HELZ: variants seen among roughly 807,000 people sequenced by gnomAD.
The protein encoded by HELZ is ATP-dependent RNA helicase with zinc finger domain.
A neutral mutation model predicts 218.2 loss-of-function variants in HELZ; 23 were observed. The ratio of observed to expected loss-of-function variants is 0.11; its 90% CI spans 0.08 to 0.15. The LOEUF (loss-of-function observed/expected upper bound fraction) is 0.15, where lower values mean the gene tolerates loss of function less well. HELZ is among the 10% of genes least tolerant of loss of function. The pLI is 1.00. For missense variants in HELZ, 1,813 were observed against 2,353.7 expected (o/e 0.77, Z 4.75); for synonymous variants, 814 against 829.4 (o/e 0.98, Z 0.32).
At chr17:67,123,316 C>T (rs921120943) in intron 25 of HELZ, among the ~76,000 whole-genome samples, 156 bp from the exon 26 acceptor site, 7 of 144,082 alleles carry the variant, frequency 4.9e-5, no homozygotes, top group Non-Finnish European at 3.1e-5. Context: ...AAGCATATTA[C>T]AAAAAAAAAA....
chr17:67,108,299 TGTA>T lies in HELZ; in HGVS notation c.4724+190_4724+192del. The T allele has an allele frequency of 1.8e-6, 1 of 554,790 alleles. No individual in the cohort carries two copies. 34.4% of individuals were successfully genotyped at this position (554,790 alleles called of 1,614,324 possible). ...ATAGTAGATCATCCATGCCTAAATT[TGTA>T]GAAGAGTTACTTCTAAATGAGTTTT... is the stretch of plus-strand genomic sequence containing the variant. On this transcript the variant is annotated intron_variant, in intron 30 of 32. Coordinates refer to ENST00000358691, the MANE Select transcript of HELZ (RefSeq NM_014877.4). The surrounding 1 kb of genome is among the most constrained non-coding windows in gnomAD (Gnocchi z 4.1).
chr17:67,241,682 T>C (rs946639049), intron 2 of HELZ, among the ~76,000 whole-genome samples: 9 of 152,204 alleles, frequency 5.9e-5, no homozygotes, highest in African/African-American at 2.2e-4. Context: ...AAACTTCTTG[T>C]TAACAAATGC....
At chr17:67,203,582 G>A in intron 5 of HELZ, 139 bp from the exon 6 acceptor site, 2 of 960,626 alleles carry the variant, frequency 2.1e-6, no homozygotes, top group Non-Finnish European at 3.0e-6. Flanking sequence ...GGGAAGCAGT[G>A]GTGTTTCTGT....
Position 67,077,307 on chromosome 17 carries a change from C to T in HELZ, c.*945G>A, listed in dbSNP as rs887382736. 2.6e-5 allele frequency: 4 copies of T among 152,170 alleles called. No individual in the cohort carries two copies. Among genetic ancestry groups the T allele is most frequent in the African/African-American group, 9.7e-5 (4 of 41,284 alleles). 9.4% of individuals were successfully genotyped at this position (152,170 alleles called of 1,614,324 possible). On this transcript the variant is annotated 3_prime_UTR_variant, in exon 33 of 33. Transcript: ENST00000358691. ...AAAATTTTTACTGGAGAGAAAAAAACCCAAACCTTAAAGCGGCACAATTCT... is the reference window on the plus strand; with the variant it reads ...AAAATTTTTACTGGAGAGAAAAAAATCCAAACCTTAAAGCGGCACAATTCT...
chr17:67,117,492 TTA>T (rs1445858084), intron 27 of HELZ, among the ~76,000 whole-genome samples: 3 of 152,080 alleles, frequency 2.0e-5, no homozygotes, highest in Non-Finnish European at 4.4e-5. Context: ...AATTAAATAC[TTA>T]TATTCATTTA....
chr17:67,130,303 A>T (rs1433588222), intron 23 of HELZ, among the ~76,000 whole-genome samples: 1 of 152,194 alleles, frequency 6.6e-6, no homozygotes, highest in Non-Finnish European at 1.5e-5. Context: ...ATGTAAACAA[A>T]AACCACTTGT....
At chr17:67,103,850 C>A (rs1327543447) in intron 31 of HELZ, among the ~76,000 whole-genome samples, 2 of 152,148 alleles carry the variant, frequency 1.3e-5, no homozygotes, top group Non-Finnish European at 2.9e-5. Flanking sequence ...AAACTTACTA[C>A]AATACTACAG....
chr17:67,127,348 T>C (rs2037832240), intron 24 of HELZ, among the ~76,000 whole-genome samples: 1 of 152,152 alleles, frequency 6.6e-6, no homozygotes, highest in African/African-American at 2.4e-5. Flanking sequence ...AGTATAAGCT[T>C]GAGAAATCTA....
intron 13 of HELZ, among the ~76,000 whole-genome samples, chr17:67,170,767 C>G (rs1400786071): frequency 1.4e-5 from 2 of 148,090 alleles, no homozygotes; most frequent in African/African-American, 5.0e-5. Flanking sequence ...GTAGAGGCTG[C>G]AATGACCTGA....
chr17:67,168,799 A>C (rs2039225457), intron 13 of HELZ, among the ~76,000 whole-genome samples: 1 of 152,176 alleles, frequency 6.6e-6, no homozygotes, highest in Non-Finnish European at 1.5e-5. Flanking sequence ...TTACACAGTC[A>C]AGAAATATGG....
intron 23 of HELZ, among the ~76,000 whole-genome samples, chr17:67,129,798 T>C (rs1358185027): frequency 6.6e-6 from 1 of 152,124 alleles, no homozygotes; most frequent in East Asian, 1.9e-4. Context: ...TTAAAATTAT[T>C]AAATACATAT....
intron 3 of HELZ, among the ~76,000 whole-genome samples, chr17:67,222,735 T>C (rs1401628533): frequency 6.6e-6 from 1 of 152,154 alleles, no homozygotes; most frequent in East Asian, 1.9e-4. Flanking sequence ...AAAGCAAAAC[T>C]GTCTGTCAAA....
intron 3 of HELZ, among the ~76,000 whole-genome samples, chr17:67,224,089 T>G (rs1042761142): frequency 1.9e-4 from 29 of 152,212 alleles, no homozygotes; most frequent in African/African-American, 7.0e-4. Flanking sequence ...CCACCAGGGA[T>G]GTGGGGTGGC....
At chr17:67,227,318 C>A (rs2040920795) in intron 3 of HELZ, among the ~76,000 whole-genome samples, 1 of 151,866 alleles carries the variant, frequency 6.6e-6, no homozygotes, top group Non-Finnish European at 1.5e-5. Flanking sequence ...TCAGCCTCCC[C>A]AGTAGCTGGG....
chr17:67,197,298 T>G (rs879531681), intron 7 of HELZ, among the ~76,000 whole-genome samples: 4 of 152,102 alleles, frequency 2.6e-5, no homozygotes, highest in Non-Finnish European at 5.9e-5. Context: ...TTCTGCTGAT[T>G]GTGAGCCCTC....
intron 24 of HELZ, 149 bp from the exon 25 acceptor site, chr17:67,124,163 C>T (rs2037709281): frequency 3.9e-6 from 2 of 513,146 alleles, no homozygotes; most frequent in South Asian, 3.5e-5. Flanking sequence ...CATTAGACTG[C>T]TTTGAGCCAA....
intron 13 of HELZ, among the ~76,000 whole-genome samples, chr17:67,177,579 T>C (rs531199673): frequency 6.6e-6 from 1 of 151,712 alleles, no homozygotes; most frequent in East Asian, 1.9e-4. Flanking sequence ...GAATCCATGA[T>C]AATATAAATA....
intron 25 of HELZ, 29 bp from the exon 26 acceptor site, chr17:67,123,189 T>C: frequency 7.0e-7 from 1 of 1,431,970 alleles, no homozygotes. Flanking sequence ...AAGGATGCAC[T>C]CAACAGCTGT....
rs893515858 is a variant in HELZ, at chr17:67,191,114, T to C, written c.558-759A>G. Among the ~76,000 whole-genome samples, 10 of 152,344 alleles carry C rather than the reference T, an allele frequency of 6.6e-5. No individual in the cohort carries two copies. The South Asian group carries it at 1.9e-3, about 28-fold the overall frequency. On this transcript the variant is annotated intron_variant, in intron 9 of 32. Coordinates refer to ENST00000358691, the MANE Select transcript of HELZ (RefSeq NM_014877.4). The stretch of plus-strand genomic sequence containing the variant: ...AAGGACCTTAAAAAAATTTTCTATA[T>C]ATGGGAATTTCATTCTGAAAAAACA...
Sources: gnomAD v4.1 joint callset for allele counts (sites outside exome capture counted in the v4.1 genomes callset) on GRCh38, gnomAD v4.1.1 for gene constraint, Gnocchi (gnomAD v3.1) non-coding constraint, MANE v1.5 for transcripts, NCBI Gene and HGNC (gene_info 2026-07-23, HGNC 2026-07-21) for gene names.